DDX42: variants seen among roughly 807,000 people sequenced by gnomAD.
DDX42 encodes the protein DEAD-box helicase 42, also known as ATP-dependent RNA helicase DDX42.
Under a neutral mutation model 101.5 loss-of-function variants are expected in DDX42, and 22 were observed. The observed-to-expected ratio is 0.22, with a 90% CI of 0.15 to 0.31. The LOEUF is 0.31. Among genes scored for constraint, DDX42 ranks in the 10% least tolerant of loss-of-function variants. DDX42 has a pLI of 1.00. For missense variants in DDX42, 849 were observed against 1,199.9 expected (o/e 0.71, Z 4.32); for synonymous variants, 402 against 401.2 (o/e 1.00, Z -0.02).
At chr17:63,783,474 C>G (rs1198502670) in intron 1 of DDX42, among the ~76,000 whole-genome samples, 1 of 152,096 alleles carries the variant, frequency 6.6e-6, no homozygotes, top group Non-Finnish European at 1.5e-5. Context: ...TTGGGAACAC[C>G]TCTTGTAAAG....
At chr17:63,802,023 TC>T (rs1261167875) in intron 6 of DDX42, among the ~76,000 whole-genome samples, 10 of 152,230 alleles carry the variant, frequency 6.6e-5, no homozygotes, top group African/African-American at 2.4e-4. Context: ...CAAACACTTT[TC>T]ATTATACCAA....
chr17:63,790,947 A>G (rs1031229962), intron 2 of DDX42, among the ~76,000 whole-genome samples: 1 of 152,222 alleles, frequency 6.6e-6, no homozygotes, highest in Non-Finnish European at 1.5e-5. Flanking sequence ...AAAAAAGCAT[A>G]TATACTATAT....
intron 2 of DDX42, among the ~76,000 whole-genome samples, chr17:63,788,310 CTTTTT>C (rs370584285): frequency 1.6e-5 from 2 of 121,474 alleles, no homozygotes; most frequent in African/African-American, 3.2e-5. Context: ...ACATCTGAGT[CTTTTT>C]TTTTTTTTTT....
chr17:63,788,139 AGGTG>A lies in DDX42; in HGVS notation c.221+870_221+873del, dbSNP rs1483718272. ...AGGCTGGTCTCAAACTCCTGACCTCAGGTGAACTGCCCGCCTTGGCCTCCCAAAG... is the reference window on the plus strand; with the variant it reads ...AGGCTGGTCTCAAACTCCTGACCTCAAACTGCCCGCCTTGGCCTCCCAAAG... On this transcript the variant is annotated intron_variant, in intron 2 of 17. Coordinates refer to ENST00000389924, the MANE Select transcript of DDX42 (RefSeq NM_203499.3). 1.3e-5 allele frequency among the ~76,000 whole-genome samples: 2 copies of A among 151,842 alleles called. 1 individual carries two copies. Among genetic ancestry groups the A allele is most frequent in the East Asian group, 3.9e-4 (2 of 5,134 alleles).
rs1396259799 is a variant in DDX42, at chr17:63,813,333, A to G, written c.1781A>G (p.Glu594Gly). Reference sequence around the variant, plus strand: ...ATTGGCCGCACAGGAAGAGCGGGTGAGAAAGGTGTGGCCTATACCCTACTC... The same window carrying G: ...ATTGGCCGCACAGGAAGAGCGGGTGGGAAAGGTGTGGCCTATACCCTACTC... ...HRIGRTGRAGEKGVAYTLLTP... is the reference protein window; with the variant it reads ...HRIGRTGRAGGKGVAYTLLTP... Residue 594 changes from glutamate to glycine, a missense_variant, in exon 15 of 18, where the codon GAG (glutamate) becomes GGG (glycine). Around this residue, in one of 5 missense-constraint regions of DDX42, gnomAD observed 86 missense variants for 160.8 expected, o/e 0.53. Coordinates refer to ENST00000389924, the MANE Select transcript of DDX42 (RefSeq NM_203499.3). 2 of 1,614,056 alleles carry G rather than the reference A, an allele frequency of 1.2e-6. No homozygotes were observed. The highest frequency in any genetic ancestry group is 1.6e-4 in the Middle Eastern group (1 of 6,084).
chr17:63,775,334 C>T (rs1438273178), intron 1 of DDX42, among the ~76,000 whole-genome samples: 1 of 151,902 alleles, frequency 6.6e-6, no homozygotes, highest in East Asian at 1.9e-4. Flanking sequence ...TCTCTAGCGC[C>T]GTTCTAGGTG....
rs1034505357 is a variant in DDX42, at chr17:63,817,918, C to T, written c.2337C>T (p.Tyr779=). The change falls in exon 18 of 18, where the codon TAC becomes TAT. Residue 779 remains tyrosine (Y), a synonymous_variant. Coordinates refer to ENST00000389924, the MANE Select transcript of DDX42 (RefSeq NM_203499.3). ...TGNISGAPVT[Y]PSAGAQGVNN... ...ACATCAGTGGTGCCCCTGTGACCTA[C>T]CCGTCTGCCGGAGCCCAAGGAGTCA... is the stretch of plus-strand genomic sequence containing the variant. 2 of 1,614,162 alleles carry T rather than the reference C, an allele frequency of 1.2e-6. No individual in the cohort carries two copies. The highest frequency in any genetic ancestry group is 8.5e-7 in the Non-Finnish European group (1 of 1,180,014).
rs1414891795 is a variant in DDX42 at position 63,813,578 on chromosome 17, T to A, written c.1902+124T>A. On this transcript the variant is annotated intron_variant, in intron 15 of 17. Transcript: ENST00000389924. ...GGTGGCTAGGAGGATGTGGGGCTTA[T>A]GAGGTACAGATAGGAATTGTGAGAT... 1.3e-5 allele frequency: 10 copies of A among 758,572 alleles called. No homozygotes were observed. The South Asian group carries it at 1.8e-4, about 14-fold the overall frequency. 47.0% of individuals were successfully genotyped at this position (758,572 alleles called of 1,614,324 possible).
At chr17:63,793,203 C>CT in intron 3 of DDX42, among the ~76,000 whole-genome samples, 1 of 151,928 alleles carries the variant, frequency 6.6e-6, no homozygotes, top group Middle Eastern at 3.4e-3. Flanking sequence ...TTTGGCCACT[C>CT]TTGTTTTATC....
At chr17:63,790,893 G>A (rs1192185422) in intron 2 of DDX42, among the ~76,000 whole-genome samples, 4 of 151,690 alleles carry the variant, frequency 2.6e-5, no homozygotes, top group Non-Finnish European at 4.4e-5. Flanking sequence ...AGATCACGCC[G>A]CTGCACTGCA....
At chr17:63,798,262 C>T in intron 4 of DDX42, 163 bp downstream of exon 4, 2 of 576,200 alleles carry the variant, frequency 3.5e-6, no homozygotes, top group East Asian at 2.9e-5. Flanking sequence ...GAGATGGCAA[C>T]AGTCTTTGCA....
At chr17:63,791,695 A>G (rs982250436) in intron 2 of DDX42, among the ~76,000 whole-genome samples, 1 of 152,162 alleles carries the variant, frequency 6.6e-6, no homozygotes, top group Non-Finnish European at 1.5e-5. Flanking sequence ...TCTTAAAAGA[A>G]TATCTCAAGT....
intron 2 of DDX42, among the ~76,000 whole-genome samples, chr17:63,789,571 GTTTTTT>G (rs538515067): frequency 1.3e-4 from 6 of 45,680 alleles, no homozygotes; most frequent in African/African-American, 2.1e-4. Flanking sequence ...TTTTGTTTTT[GTTTTTT>G]TTTTTTTTTT....
In DDX42 at chr17:63,774,207, T is replaced by G; in HGVS notation, c.-186T>G. The G allele has an allele frequency of 4.1e-6, 1 of 244,880 alleles. No individual in the cohort carries two copies. The allele number at this position is 244,880 out of a possible 1,614,324, so 15.2% of individuals were successfully genotyped here. On this transcript the variant is annotated 5_prime_UTR_variant, in exon 1 of 18. Coordinates refer to ENST00000389924, the MANE Select transcript of DDX42 (RefSeq NM_203499.3). ...CCTTCAGCAACGGGCCGTGAGGCGGTGGCGGTGGTGGCGGTGGCGGCGGCG... is the reference window on the plus strand; with the variant it reads ...CCTTCAGCAACGGGCCGTGAGGCGGGGGCGGTGGTGGCGGTGGCGGCGGCG...
At chr17:63,811,907 A>T in intron 13 of DDX42, 25 bp from the exon 14 acceptor site, 3 of 1,614,142 alleles carry the variant, frequency 1.9e-6, no homozygotes, top group Non-Finnish European at 2.5e-6. Flanking sequence ...TGTCACAATC[A>T]TCTGTTTCAT....
chr17:63,813,748 T>C (rs1196437828), intron 15 of DDX42, among the ~76,000 whole-genome samples: 1 of 152,214 alleles, frequency 6.6e-6, no homozygotes, highest in Non-Finnish European at 1.5e-5. Flanking sequence ...ATGGTTACTA[T>C]TCTCCTTACT....
intron 3 of DDX42, 52 bp from the exon 4 acceptor site, chr17:63,797,986 T>C: frequency 6.5e-7 from 1 of 1,537,398 alleles, no homozygotes; most frequent in Non-Finnish European, 8.8e-7. Context: ...AAAAATTGTT[T>C]CTTTCAGTGT....
chr17:63,774,222 T>TGGCGGCGGCGGTGGTGGTGGCGGC lies in DDX42; in HGVS notation c.-151_-150insCGGCGGCGGCGGCGGTGGTGGTGG. ...CGTGAGGCGGTGGCGGTGGTGGCGGTGGCGGCGGCGGTGGTGGTGGTGGCG... is the reference window on the plus strand; with the variant it reads ...CGTGAGGCGGTGGCGGTGGTGGCGGTGGCGGCGGCGGTGGTGGTGGCGGCGGCGGCGGCGGTGGTGGTGGTGGCG... On this transcript the variant is annotated 5_prime_UTR_variant, in exon 1 of 18. Coordinates refer to ENST00000389924, the MANE Select transcript of DDX42 (RefSeq NM_203499.3). The TGGCGGCGGCGGTGGTGGTGGCGGC allele has an allele frequency of 4.3e-6, 1 of 234,508 alleles. No individual in the cohort carries two copies. Among genetic ancestry groups the TGGCGGCGGCGGTGGTGGTGGCGGC allele is most frequent in the East Asian group, 9.0e-5 (1 of 11,088 alleles). 14.5% of individuals were successfully genotyped at this position (234,508 alleles called of 1,614,324 possible). A position where few individuals can be genotyped will look rare whatever the true frequency, so the allele number is the denominator to read the frequency against.
rs544570201 is a variant in DDX42 at position 63,803,302 on chromosome 17, A to T, written c.622-1769A>T. Among the ~76,000 whole-genome samples the T allele has an allele frequency of 2.2e-3, 329 of 152,042 alleles. 1 individual carries two copies. Among genetic ancestry groups the T allele is most frequent in the Non-Finnish European group, 3.8e-3 (256 of 68,018 alleles). On this transcript the variant is annotated intron_variant, in intron 6 of 17. Coordinates refer to ENST00000389924, the MANE Select transcript of DDX42 (RefSeq NM_203499.3). ...TTTAGTGTAAAATAAAAAGTATCTG[A>T]AAAGGGCTGGGTGCGGTGGCTCATG...
Sources: allele counts gnomAD v4.1 joint callset (sites outside exome capture counted in the v4.1 genomes callset), GRCh38; gene constraint gnomAD v4.1.1; regional missense constraint gnomAD v4.1.1; transcripts MANE v1.5; gene names NCBI Gene and HGNC (gene_info 2026-07-23, HGNC 2026-07-21).